The following DOCK2 variants were observed in gnomAD, a reference collection of about 807,000 sequenced individuals.
DOCK2 encodes the protein dedicator of cytokinesis protein 2.
A neutral mutation model predicts 248.9 loss-of-function variants in DOCK2; 87 were observed. The ratio of observed to expected loss-of-function variants is 0.35; its 90% CI spans 0.29 to 0.42. The LOEUF (loss-of-function observed/expected upper bound fraction) is 0.42. Among genes scored for constraint, DOCK2 ranks in the 10% least tolerant of loss-of-function variants. DOCK2 has a pLI of 1.00. For missense variants in DOCK2, 1,747 were observed against 2,300.2 expected, an observed-to-expected ratio of 0.76 and a Z score of 4.92; for synonymous variants, 805 against 821.6, an observed-to-expected ratio of 0.98 and a Z score of 0.35.
chr5:170,073,037 T>C (rs1222624026), intron 46 of DOCK2, among the ~76,000 whole-genome samples: 9 of 152,222 alleles, frequency 5.9e-5, no homozygotes, highest in Admixed American at 5.9e-4. Context: ...ATCATATTTT[T>C]AAATGATTAG....
chr5:169,981,121 C>T (rs925005834), intron 27 of DOCK2, among the ~76,000 whole-genome samples: 1 of 152,160 alleles, frequency 6.6e-6, no homozygotes, highest in Non-Finnish European at 1.5e-5. Context: ...TTACTTTGTT[C>T]TGGGACTCAC....
intron 26 of DOCK2, among the ~76,000 whole-genome samples, chr5:169,835,260 GTT>G (rs547978458): frequency 2.2e-5 from 3 of 134,778 alleles, no homozygotes; most frequent in East Asian, 2.1e-4. Flanking sequence ...GAAATGCCTG[GTT>G]TTTTTTTTTT....
chr5:169,826,961 A>G (rs1463662374), intron 26 of DOCK2, among the ~76,000 whole-genome samples: 1 of 152,012 alleles, frequency 6.6e-6, no homozygotes, highest in African/African-American at 2.4e-5. Context: ...TCTTAAAAGC[A>G]GGGGCTAGAT....
intron 26 of DOCK2, among the ~76,000 whole-genome samples, chr5:169,832,130 G>A (rs866442070): frequency 3.9e-5 from 6 of 152,168 alleles, no homozygotes; most frequent in Admixed American, 2.6e-4. Flanking sequence ...TCTCTAATTC[G>A]TGTGTTGTGT....
At chr5:169,880,446 A>G (rs1302835371) in intron 27 of DOCK2, among the ~76,000 whole-genome samples, 6 of 152,262 alleles carry the variant, frequency 3.9e-5, no homozygotes, top group Non-Finnish European at 8.8e-5. Flanking sequence ...GCCAGTTTTC[A>G]ACAAAAAGAG....
In DOCK2 at chr5:169,751,708, C is replaced by T. The variant is rs528484016; in HGVS notation, c.2376+4204C>T. On this transcript the variant is annotated intron_variant, in intron 23 of 51. Transcript: ENST00000520908. ...TGTGGTTTTTCTTATTGTTCTGAGT[C>T]GGCGTGGCAGCAGCTCACCAAGACC... is the stretch of plus-strand genomic sequence containing the variant. Among the ~76,000 whole-genome samples the T allele has an allele frequency of 1.7e-4, 26 of 152,224 alleles. No homozygotes were observed. In the South Asian group the frequency reaches 1.9e-3, roughly 11 times the overall value.
chr5:169,985,536 A>G (rs1165436534), intron 28 of DOCK2, among the ~76,000 whole-genome samples: 1 of 152,192 alleles, frequency 6.6e-6, no homozygotes, highest in Non-Finnish European at 1.5e-5. Flanking sequence ...TGTGAAAATG[A>G]TTATAAAATT....
chr5:169,914,272 A>G (rs155022), intron 27 of DOCK2, among the ~76,000 whole-genome samples: 58,166 of 152,052 alleles, frequency 0.38, 12,023 homozygotes, highest in East Asian at 0.55. Flanking sequence ...AACTCAATTC[A>G]CCTTACCCCA....
intron 23 of DOCK2, among the ~76,000 whole-genome samples, chr5:169,756,935 A>G (rs530373464): frequency 7.9e-5 from 12 of 152,128 alleles, no homozygotes; most frequent in African/African-American, 2.7e-4. Context: ...CAAAAAAAAA[A>G]AAAAAATGAA....
At position 169,947,560 on chromosome 5, in the gene DOCK2, G is replaced by C. The variant is rs551623272; in HGVS notation, c.2800-35508G>C. Reference sequence around the variant, plus strand: ...GTGAGGGTTCAGGGCATCTGCCCTGGCATCTGGGCCTTTCTGACCCTCCAC... The same window carrying C: ...GTGAGGGTTCAGGGCATCTGCCCTGCCATCTGGGCCTTTCTGACCCTCCAC... On this transcript the variant is annotated intron_variant, in intron 27 of 51. Coordinates refer to ENST00000520908, the MANE Select transcript of DOCK2 (RefSeq NM_004946.3). Among the ~76,000 whole-genome samples the C allele has an allele frequency of 2.0e-4, 30 of 152,276 alleles. No homozygotes were observed. The South Asian group carries it at 6.0e-3, about 31-fold the overall frequency.
At chr5:169,935,322 C>T (rs927984171) in intron 27 of DOCK2, among the ~76,000 whole-genome samples, 1 of 152,192 alleles carries the variant, frequency 6.6e-6, no homozygotes, top group African/African-American at 2.4e-5. Flanking sequence ...ATCTCCCATG[C>T]CTGTGTAGGG....
chr5:169,681,886 T>C lies in DOCK2; in HGVS notation c.606+7T>C. Reference sequence around the variant, plus strand: ...GCGTATCAAAGAAGAAATGGTGAGCTTTACTAAATAGGCTTTGGCCAAGTG... The same window carrying C: ...GCGTATCAAAGAAGAAATGGTGAGCCTTACTAAATAGGCTTTGGCCAAGTG... On this transcript the variant is annotated splice_region_variant and intron_variant, in intron 7 of 51. Coordinates refer to ENST00000520908, the MANE Select transcript of DOCK2 (RefSeq NM_004946.3). The C allele has an allele frequency of 6.2e-7, 1 of 1,612,892 alleles. No individual in the cohort carries two copies. Among genetic ancestry groups the C allele is most frequent in the Non-Finnish European group, 8.5e-7 (1 of 1,179,668 alleles).
chr5:169,676,555 C>T lies in DOCK2; in HGVS notation c.470+2110C>T, dbSNP rs375644039. On this transcript the variant is annotated intron_variant, in intron 6 of 51. Coordinates refer to ENST00000520908, the MANE Select transcript of DOCK2 (RefSeq NM_004946.3). ...TTCACCTGACTGCTTCAGCTGCAAG[C>T]GAGAGAGTTGGGCAACTTATCACTG... Among the ~76,000 whole-genome samples, 30 of 152,206 alleles carry T rather than the reference C, an allele frequency of 2.0e-4. No homozygotes were observed. The South Asian group carries it at 5.4e-3, about 27-fold the overall frequency.
chr5:169,797,911 C>T (rs1280450330), intron 25 of DOCK2, among the ~76,000 whole-genome samples: 1 of 152,184 alleles, frequency 6.6e-6, no homozygotes, highest in Non-Finnish European at 1.5e-5. Context: ...ATTATTTCAT[C>T]TACAAACAGG....
Position 170,034,443 on chromosome 5 carries a change from T to C in DOCK2, c.3512T>C (p.Val1171Ala), listed in dbSNP as rs1756250108. The C allele has an allele frequency of 6.2e-7, 1 of 1,614,078 alleles. No individual in the cohort carries two copies. Among genetic ancestry groups the C allele is most frequent in the Admixed American group, 1.7e-5 (1 of 60,010 alleles). ...GAGCACCCAACCATTGCCAAGTCGG[T>C]GGAGAACTTCGTGAACCTGGTCAAA... ...AAEHPTIAKS[V>A]ENFVNLVKGL... Residue 1171 changes from valine to alanine, a missense_variant, in exon 35 of 52, where the codon GTG becomes GCG. By Grantham distance (64) the Val-to-Ala change is moderately conservative. This residue lies in a region of DOCK2 where 858 missense variants were observed against 1,183.5 expected (regional missense o/e 0.72). Transcript: ENST00000520908.
chr5:169,931,064 GTAAAGA>G (rs1432687759), intron 27 of DOCK2, among the ~76,000 whole-genome samples: 2 of 152,152 alleles, frequency 1.3e-5, no homozygotes, highest in African/African-American at 4.8e-5. Context: ...TTTCCTCCAG[GTAAAGA>G]TAAAGTGGCT....
At chr5:170,078,406 TCA>T (rs963496051) in intron 48 of DOCK2, among the ~76,000 whole-genome samples, 21 of 152,284 alleles carry the variant, frequency 1.4e-4, no homozygotes, top group Middle Eastern at 6.8e-3. Context: ...GTCTTCTGTT[TCA>T]CAGTTCTAGG....
chr5:169,963,851 C>T (rs923435001), intron 27 of DOCK2, among the ~76,000 whole-genome samples: 6 of 152,082 alleles, frequency 3.9e-5, no homozygotes, highest in Non-Finnish European at 8.8e-5. Flanking sequence ...GAACATAGAC[C>T]GCTGGGCCTA....
At chr5:169,928,593 G>T (rs1181511476) in intron 27 of DOCK2, among the ~76,000 whole-genome samples, 1 of 152,226 alleles carries the variant, frequency 6.6e-6, no homozygotes, top group African/African-American at 2.4e-5. Flanking sequence ...GGCCAAGAAA[G>T]CATGGAAAGG....
Sources: gnomAD v4.1 joint callset for allele counts (sites outside exome capture counted in the v4.1 genomes callset) on GRCh38, gnomAD v4.1.1 for gene constraint, gnomAD v4.1.1 regional missense constraint, MANE v1.5 for transcripts, NCBI Gene and HGNC (gene_info 2026-07-23, HGNC 2026-07-21) for gene names.